The following HOXD11 variants were observed in gnomAD, a reference collection of about 807,000 sequenced individuals.
HOXD11 encodes the protein homeobox D11.
Under a neutral mutation model 23.1 loss-of-function variants are expected in HOXD11, and 16 were observed. The observed-to-expected ratio is 0.69, with a 90% CI of 0.47 to 1.05. The LOEUF is 1.05. Among genes scored for constraint, HOXD11 ranks in the 50% least tolerant of loss-of-function variants. HOXD11 has a pLI of 0.00. For synonymous variants in HOXD11, 262 were observed against 224.4 expected (o/e 1.17, Z -1.50); for missense variants, 564 against 495.6 (o/e 1.14, Z -1.31).
Position 176,107,657 on chromosome 2 carries a change from G to C in HOXD11, c.302G>C (p.Gly101Ala), listed in dbSNP as rs1217600573. Residue 101 changes from glycine (G) to alanine (A), a missense_variant, in exon 1 of 2, where the codon GGG (glycine) becomes GCG (alanine). Transcript: ENST00000249504. ...GGPGGGGGGA[G>A]GYAPYYAAAA... Reference sequence around the variant, plus strand: ...CCCGGCGGGGGCGGCGGCGGCGCGGGGGGCTACGCTCCCTACTACGCGGCG... The same window carrying C: ...CCCGGCGGGGGCGGCGGCGGCGCGGCGGGCTACGCTCCCTACTACGCGGCG... 4 of 978,688 alleles carry C rather than the reference G, an allele frequency of 4.1e-6. No homozygotes were observed. Among genetic ancestry groups the C allele is most frequent in the Non-Finnish European group, 4.8e-6 (4 of 825,650 alleles). 60.6% of individuals were successfully genotyped at this position (978,688 alleles called of 1,614,324 possible). A position where few individuals can be genotyped will look rare whatever the true frequency, so the allele number is the denominator to read the frequency against.
At position 176,108,951 on chromosome 2, in the gene HOXD11, T is replaced by C. The variant is rs1476716571; in HGVS notation, c.826T>C (p.Tyr276His). Reference protein sequence around the residue: ...SRKKRCPYTKYQIRELEREFF... With the variant: ...SRKKRCPYTKHQIRELEREFF... ...GAAAAAGCGCTGTCCCTATACCAAG[T>C]ACCAGATCCGCGAACTGGAACGCGA... The change falls in exon 2 of 2, where the codon TAC becomes CAC. Residue 276 changes from tyrosine (Y) to histidine (H), a missense_variant. Coordinates refer to ENST00000249504, the MANE Select transcript of HOXD11 (RefSeq NM_021192.3). 1 of 1,614,048 alleles carries C rather than the reference T, an allele frequency of 6.2e-7. No individual in the cohort carries two copies. The highest frequency in any genetic ancestry group is 2.2e-5 in the East Asian group (1 of 44,868).
chr2:176,113,369 T>C (rs1276841523), downstream of HOXD11, among the ~76,000 whole-genome samples: 9 of 152,216 alleles, frequency 5.9e-5, no homozygotes, highest in East Asian at 1.5e-3. Flanking sequence ...TTCAAGCTGT[T>C]CTTTTAATTT....
At chr2:176,108,853 G>A (rs911101822) in intron 1 of HOXD11, 54 bp from the exon 2 acceptor site, 1 of 1,328,060 alleles carries the variant, frequency 7.5e-7, no homozygotes, top group Non-Finnish European at 1.1e-6. Context: ...GGGCGGGCGG[G>A]TGGGGGCTGT....
downstream of HOXD11, among the ~76,000 whole-genome samples, chr2:176,110,755 A>C (rs1328066229): frequency 6.6e-6 from 1 of 152,246 alleles, no homozygotes. Context: ...ATGACCACAC[A>C]AAATCATACC....
the HOXD11 span, among the ~76,000 whole-genome samples, chr2:176,114,762 A>T: frequency 6.6e-6 from 1 of 152,224 alleles, no homozygotes; most frequent in Non-Finnish European, 1.5e-5. Flanking sequence ...CCCCAAAGAA[A>T]TGTTCTATTG....
rs746411911 is a variant in HOXD11 at position 176,107,441 on chromosome 2, C to T, written c.86C>T (p.Ala29Val). The T allele has an allele frequency of 3.1e-6, 5 of 1,613,992 alleles. No individual in the cohort carries two copies. Among genetic ancestry groups the T allele is most frequent in the Non-Finnish European group, 3.4e-6 (4 of 1,179,928 alleles). ...CAYYVAPSDF[A>V]SKPSFLSQPS... The stretch of plus-strand genomic sequence containing the variant: ...TACTATGTGGCCCCGTCTGACTTCG[C>T]TAGCAAGCCTTCGTTCCTTTCCCAA... Residue 29 changes from alanine to valine, a missense_variant, in exon 1 of 2, where the codon GCT becomes GTT. Ala to Val is a moderately conservative substitution (Grantham distance 64). Transcript: ENST00000249504.
rs1257545109 is a variant in HOXD11, at chr2:176,109,191, C to T, written c.*49C>T. On this transcript the variant is annotated 3_prime_UTR_variant, in exon 2 of 2. Coordinates refer to ENST00000249504, the MANE Select transcript of HOXD11 (RefSeq NM_021192.3). ...CCAGCCCCACTCACCCACCCTCCTT[C>T]CCACCAGCCTGCTCTCCGCAGGCCC... The T allele has an allele frequency of 5.3e-6, 6 of 1,124,156 alleles. No homozygotes were observed. The highest frequency in any genetic ancestry group is 4.6e-5 in the African/African-American group (3 of 64,886). 69.6% of individuals were successfully genotyped at this position (1,124,156 alleles called of 1,614,324 possible).
chr2:176,114,188 T>G (rs1048868304), downstream of HOXD11, among the ~76,000 whole-genome samples: 3 of 152,238 alleles, frequency 2.0e-5, no homozygotes, highest in African/African-American at 7.2e-5. Context: ...CAGCGGGCAC[T>G]TCATTCAGCT....
chr2:176,108,763 G>A, intron 1 of HOXD11, 144 bp from the exon 2 acceptor site: 1 of 605,218 alleles, frequency 1.7e-6, no homozygotes. Context: ...CATCCCCCAC[G>A]ACGCAGGCAG....
chr2:176,107,320 C>T lies in HOXD11; in HGVS notation c.-36C>T. The T allele has an allele frequency of 6.4e-7, 1 of 1,570,964 alleles. No homozygotes were observed. The highest frequency in any genetic ancestry group is 8.6e-7 in the Non-Finnish European group (1 of 1,157,724). ...TGGCTCAGGTTGGCTGCGCGGGGAGCGGCCAGAGGCTCGCTGGCGCGCACG... is the reference window on the plus strand; with the variant it reads ...TGGCTCAGGTTGGCTGCGCGGGGAGTGGCCAGAGGCTCGCTGGCGCGCACG... On this transcript the variant is annotated 5_prime_UTR_variant, in exon 1 of 2. Coordinates refer to ENST00000249504, the MANE Select transcript of HOXD11 (RefSeq NM_021192.3).
chr2:176,109,235 G>A lies in HOXD11; in HGVS notation c.*93G>A, dbSNP rs1689641553. 1.3e-6 allele frequency: 1 copy of A among 773,450 alleles called. No individual in the cohort carries two copies. The highest frequency in any genetic ancestry group is 2.1e-5 in the Admixed American group (1 of 47,596). 47.9% of individuals were successfully genotyped at this position (773,450 alleles called of 1,614,324 possible). A position where few individuals can be genotyped will look rare whatever the true frequency, so the allele number is the denominator to read the frequency against. ...CAGGCCCACTGTCCTTGGGTTTAAT[G>A]ACGTCTCTTCTCTGTGGAACTTCAC... On this transcript the variant is annotated 3_prime_UTR_variant, in exon 2 of 2. Transcript: ENST00000249504.
At chr2:176,109,842 C>T, downstream of HOXD11, 1 of 160,584 alleles carries the variant, frequency 6.2e-6, no homozygotes. Flanking sequence ...TCTGAATTGA[C>T]GATGTGACCA....
downstream of HOXD11, among the ~76,000 whole-genome samples, chr2:176,112,482 T>A (rs1689690980): frequency 6.6e-6 from 1 of 152,224 alleles, no homozygotes; most frequent in South Asian, 2.1e-4. Flanking sequence ...CCAAAGGCCC[T>A]GGGGCCTGCC....
intron 1 of HOXD11, 59 bp downstream of exon 1, chr2:176,108,195 G>GGGGGGGGC: frequency 8.0e-6 from 2 of 249,476 alleles, no homozygotes; most frequent in Non-Finnish European, 1.4e-5. Flanking sequence ...GGGGGGGGGG[G>GGGGGGGGC]CGGAGGCCTC....
In HOXD11 at chr2:176,107,731, C is replaced by A; in HGVS notation, c.376C>A (p.Gln126Lys). 8.5e-7 allele frequency: 1 copy of A among 1,170,726 alleles called. No homozygotes were observed. The highest frequency in any genetic ancestry group is 1.0e-6 in the Non-Finnish European group (1 of 952,738). 72.5% of individuals were successfully genotyped at this position (1,170,726 alleles called of 1,614,324 possible). A position where few individuals can be genotyped will look rare whatever the true frequency, so the allele number is the denominator to read the frequency against. ...CGCGGCGGCCGAGGAGGCGGCCATG[C>A]AACGCGAGCTTCTCCCGCCCGCGGG... ...AAAAAEEAAM[Q>K]RELLPPAGRR... The change falls in exon 1 of 2, where the codon CAA becomes AAA. Residue 126 changes from glutamine to lysine, a missense_variant. Physicochemically the swap from Gln to Lys is moderately conservative, Grantham distance 53. Transcript: ENST00000249504.
rs774054199 is a variant in HOXD11 at position 176,109,172 on chromosome 2, C to G, written c.*30C>G. The G allele has an allele frequency of 3.7e-6, 5 of 1,337,904 alleles. No individual in the cohort carries two copies. Among genetic ancestry groups the G allele is most frequent in the East Asian group, 2.3e-5 (1 of 43,650 alleles). 82.9% of individuals were successfully genotyped at this position (1,337,904 alleles called of 1,614,324 possible). On this transcript the variant is annotated 3_prime_UTR_variant, in exon 2 of 2. Transcript: ENST00000249504. ...TCCAGGAAGCGCCCTCACCCCAGCC[C>G]CACTCACCCACCCTCCTTCCCACCA...
intron 1 of HOXD11, chr2:176,108,659 CTG>C (rs56323681): frequency 0.073 from 23,498 of 323,594 alleles, 224 homozygotes; most frequent in African/African-American, 0.086. Context: ...GTGCCAGGCT[CTG>C]TGTGTGTGTG....
chr2:176,114,452 G>A (rs1358929774), downstream of HOXD11, among the ~76,000 whole-genome samples: 1 of 152,092 alleles, frequency 6.6e-6, no homozygotes, highest in East Asian at 1.9e-4. Flanking sequence ...AGTTAGAGGC[G>A]CCAGGCTTTT....
chr2:176,115,197 C>T, the HOXD11 span, among the ~76,000 whole-genome samples: 1 of 152,170 alleles, frequency 6.6e-6, no homozygotes, highest in Non-Finnish European at 1.5e-5. Flanking sequence ...CGGACCACAA[C>T]CCCAGACCAT....
Sources: allele counts gnomAD v4.1 joint callset (sites outside exome capture counted in the v4.1 genomes callset), GRCh38; gene constraint gnomAD v4.1.1; transcripts MANE v1.5; gene names NCBI Gene and HGNC (gene_info 2026-07-23, HGNC 2026-07-21).